The following GRAMD1C variants were observed in gnomAD, a reference collection of about 807,000 sequenced individuals.
GRAMD1C encodes protein Aster-C.
In GRAMD1C, 89 loss-of-function variants were observed where a neutral mutation model predicts 97.8. The observed-to-expected ratio is 0.91, with a 90% CI of 0.77 to 1.09. GRAMD1C has a LOEUF of 1.09. Among genes scored for constraint, GRAMD1C ranks in the 50% least tolerant of loss-of-function variants. GRAMD1C has a pLI of 0.00. For synonymous variants in GRAMD1C, 256 were observed against 267.0 expected (o/e 0.96, Z 0.40); for missense variants, 740 against 766.4 (o/e 0.97, Z 0.41).
chr3:113,940,376 T>C (rs781501734), intron 17 of GRAMD1C, 31 bp downstream of exon 17: 1 of 1,098,692 alleles, frequency 9.1e-7, no homozygotes, highest in East Asian at 2.4e-5. Flanking sequence ...CAGTACTTAG[T>C]ATCTTTGTCC....
chr3:113,889,739 A>G (rs1935644437), intron 6 of GRAMD1C, among the ~76,000 whole-genome samples: 1 of 151,986 alleles, frequency 6.6e-6, no homozygotes, highest in South Asian at 2.1e-4. Flanking sequence ...CCTAGGTTCA[A>G]GTGATTCTCC....
intron 10 of GRAMD1C, among the ~76,000 whole-genome samples, chr3:113,918,386 G>T (rs1418451722): frequency 6.6e-6 from 1 of 152,132 alleles, no homozygotes; most frequent in Non-Finnish European, 1.5e-5. Context: ...CATTTTTATG[G>T]CTGAAAAGAC....
chr3:113,920,296 A>C, intron 10 of GRAMD1C: 1 of 491,194 alleles, frequency 2.0e-6, no homozygotes, highest in South Asian at 2.7e-5. Context: ...AGAGGGGAGA[A>C]AGAGCAAAAC....
At position 113,933,534 on chromosome 3, in the gene GRAMD1C, A is replaced by G. The variant is rs142251462; in HGVS notation, c.1233A>G (p.Glu411=). 25 of 1,611,786 alleles carry G rather than the reference A, an allele frequency of 1.6e-5. No individual in the cohort carries two copies. The highest frequency in any genetic ancestry group is 2.1e-5 in the Non-Finnish European group (25 of 1,178,002). Residue 411 remains glutamate, a synonymous_variant, in exon 12 of 18, where the codon GAA becomes GAG. Coordinates refer to ENST00000358160, the MANE Select transcript of GRAMD1C (RefSeq NM_017577.5). ...EKQTLYKESR[E]ARFYLVDSEV... The stretch of plus-strand genomic sequence containing the variant: ...AGACACTGTATAAAGAAAGTCGGGA[A>G]GCACGATTTTATTTGGTAGATTCAG...
chr3:113,868,983 GT>G (rs1451995832), intron 2 of GRAMD1C, among the ~76,000 whole-genome samples: 1 of 151,658 alleles, frequency 6.6e-6, no homozygotes, highest in East Asian at 1.9e-4. Context: ...TTGGTACAGA[GT>G]TTTCCCTTTC....
chr3:113,934,500 C>A lies in GRAMD1C; in HGVS notation c.1421C>A (p.Ser474Tyr). The A allele has an allele frequency of 6.3e-7, 1 of 1,583,432 alleles. No homozygotes were observed. Among genetic ancestry groups the A allele is most frequent in the South Asian group, 1.1e-5 (1 of 87,634 alleles). Residue 474 changes from serine (S) to tyrosine (Y), a missense_variant, in exon 13 of 18, where the codon TCC becomes TAC. Physicochemically the swap from Ser to Tyr is moderately radical, Grantham distance 144. Coordinates refer to ENST00000358160, the MANE Select transcript of GRAMD1C (RefSeq NM_017577.5). ...GTCAAATCTTTAATTGAAAAGAATTCCTGGAGTTCTTTGGAGGACTATTTC... is the reference window on the plus strand; with the variant it reads ...GTCAAATCTTTAATTGAAAAGAATTACTGGAGTTCTTTGGAGGACTATTTC... Reference protein sequence around the residue: ...GLVKSLIEKNSWSSLEDYFKQ... With the variant: ...GLVKSLIEKNYWSSLEDYFKQ...
intron 4 of GRAMD1C, 187 bp downstream of exon 4, chr3:113,875,774 C>T: frequency 4.5e-6 from 2 of 439,824 alleles, no homozygotes; most frequent in Admixed American, 7.8e-5. Flanking sequence ...TGATTTAATA[C>T]ATTGAGCTCC....
chr3:113,899,246 T>C (rs1278324769), intron 6 of GRAMD1C, among the ~76,000 whole-genome samples: 1 of 152,186 alleles, frequency 6.6e-6, no homozygotes, highest in South Asian at 2.1e-4. Flanking sequence ...TTTCCGTCTC[T>C]TCAACTTTTC....
chr3:113,838,947 G>A lies in GRAMD1C; in HGVS notation c.27+11G>A. ...CCGACTGTCCGTCAGGTAAGCCGCG[G>A]GCCTCGCTGGGGCAGGTTCCCATCT... On this transcript the variant is annotated intron_variant, in intron 1 of 17. Transcript: ENST00000358160. The A allele has an allele frequency of 8.6e-7, 1 of 1,168,932 alleles. No homozygotes were observed. Among genetic ancestry groups the A allele is most frequent in the Non-Finnish European group, 1.1e-6 (1 of 926,366 alleles). 72.4% of individuals were successfully genotyped at this position (1,168,932 alleles called of 1,614,324 possible). A position where few individuals can be genotyped will look rare whatever the true frequency, so the allele number is the denominator to read the frequency against.
chr3:113,900,409 AATTATTATT>A (rs146979804), intron 6 of GRAMD1C, among the ~76,000 whole-genome samples: 2 of 137,464 alleles, frequency 1.5e-5, no homozygotes, highest in South Asian at 2.6e-4. Flanking sequence ...AGTATGAACA[AATTATTATT>A]ATTATTATTA....
chr3:113,911,974 G>A (rs759672347), intron 9 of GRAMD1C, among the ~76,000 whole-genome samples: 2 of 152,000 alleles, frequency 1.3e-5, no homozygotes, highest in Admixed American at 6.6e-5. Flanking sequence ...TGATCAGCCC[G>A]CCTCGGCCTC....
chr3:113,893,930 A>G (rs933476926), intron 6 of GRAMD1C, among the ~76,000 whole-genome samples: 2 of 152,228 alleles, frequency 1.3e-5, no homozygotes, highest in Non-Finnish European at 2.9e-5. Flanking sequence ...GAAAACACAG[A>G]CATTTCTGAA....
At chr3:113,832,783 C>G (rs1709576438) in intron 1 of GRAMD1C, among the ~76,000 whole-genome samples, 1 of 152,170 alleles carries the variant, frequency 6.6e-6, no homozygotes, top group Non-Finnish European at 1.5e-5. Context: ...AAAATACATA[C>G]AGAAACAAGC....
chr3:113,921,172 T>C (rs1429695893), intron 10 of GRAMD1C, among the ~76,000 whole-genome samples: 1 of 152,236 alleles, frequency 6.6e-6, no homozygotes, highest in Non-Finnish European at 1.5e-5. Context: ...TTTAGTTTTC[T>C]GTTCCTGCAG....
At chr3:113,902,535 C>G (rs1222201539) in intron 7 of GRAMD1C, among the ~76,000 whole-genome samples, 1 of 152,172 alleles carries the variant, frequency 6.6e-6, no homozygotes, top group Non-Finnish European at 1.5e-5. Flanking sequence ...TGAAATGAGG[C>G]AGCTGAACTA....
At chr3:113,917,982 C>T (rs761366985) in intron 10 of GRAMD1C, among the ~76,000 whole-genome samples, 8 of 148,608 alleles carry the variant, frequency 5.4e-5, no homozygotes, top group African/African-American at 1.7e-4. Context: ...GGATTATAGG[C>T]GTGAGCCACT....
chr3:113,909,003 A>G lies in GRAMD1C; in HGVS notation c.835A>G (p.Ser279Gly), dbSNP rs1014487565. ...CCAAAATGAGAAACAGACCAAAAAG[A>G]GTCTCTTACCAACTTTGGAAAAGAA... is the stretch of plus-strand genomic sequence containing the variant. Reference protein sequence around the residue: ...ESQNEKQTKKSLLPTLEKKLT... With the variant: ...ESQNEKQTKKGLLPTLEKKLT... The change falls in exon 9 of 18, where the codon AGT becomes GGT. Residue 279 changes from serine (S) to glycine (G), a missense_variant. Transcript: ENST00000358160. 6 of 1,578,020 alleles carry G rather than the reference A, an allele frequency of 3.8e-6. No individual in the cohort carries two copies. The highest frequency in any genetic ancestry group is 1.4e-5 in the African/African-American group (1 of 72,890).
At chr3:113,829,239 TAGGG>T (rs1340098497) in intron 1 of GRAMD1C, among the ~76,000 whole-genome samples, 1 of 152,022 alleles carries the variant, frequency 6.6e-6, no homozygotes, top group Non-Finnish European at 1.5e-5. Context: ...CTGGGCAACA[TAGGG>T]AGGCCCAGTC....
intron 10 of GRAMD1C, among the ~76,000 whole-genome samples, chr3:113,922,517 A>G (rs1937096273): frequency 6.6e-6 from 1 of 152,204 alleles, no homozygotes; most frequent in African/African-American, 2.4e-5. Flanking sequence ...TCCCAGCACC[A>G]TTTATTGAAT....
Sources: gnomAD v4.1 joint callset for allele counts (sites outside exome capture counted in the v4.1 genomes callset) on GRCh38, gnomAD v4.1.1 for gene constraint, MANE v1.5 for transcripts, NCBI Gene and HGNC (gene_info 2026-07-23, HGNC 2026-07-21) for gene names.